The following NRK variants were observed in gnomAD, a reference collection of about 807,000 sequenced individuals.
NRK encodes the protein Nik related kinase, also known as nik-related protein kinase.
Under a neutral mutation model 125.2 loss-of-function variants are expected in NRK, and 67 were observed. The observed-to-expected ratio is 0.54, with a 90% confidence interval of 0.44 to 0.66. NRK has a LOEUF of 0.66. Among genes scored for constraint, NRK ranks in the 30% least tolerant of loss-of-function variants. NRK has a pLI of 0.00. For synonymous variants in NRK, 458 were observed against 429.0 expected (o/e 1.07, Z -0.84); for missense variants, 1,224 against 1,192.9 (o/e 1.03, Z -0.38).
At position 105,876,753 on chromosome X, in the gene NRK, G is replaced by T. The variant is rs181763422; in HGVS notation, c.124-3446G>T. Among the ~76,000 whole-genome samples, 11 of 111,650 alleles carry T rather than the reference G, an allele frequency of 9.9e-5. No individual in the cohort carries two copies. In the East Asian group the frequency reaches 1.4e-3, roughly 14 times the overall value. On this transcript the variant is annotated intron_variant, in intron 2 of 28. Transcript: ENST00000243300. The stretch of plus-strand genomic sequence containing the variant: ...TAAAACTCACATTCTAACTGAAAAA[G>T]GGCACATCCTAAAAACTGGATTCAT...
intron 1 of NRK, among the ~76,000 whole-genome samples, chrX:105,830,617 A>ATTGGAAATACCACTTACAG (rs2039178076): frequency 9.0e-6 from 1 of 111,067 alleles, no homozygotes. Flanking sequence ...AACAAGGCAG[A>ATTGGAAATACCACTTACAG]TTGGAAATAC....
At chrX:105,869,404 A>C (rs1037339031) in intron 2 of NRK, among the ~76,000 whole-genome samples, 1 of 110,628 alleles carries the variant, frequency 9.0e-6, no homozygotes, top group Non-Finnish European at 1.9e-5. Context: ...TTTTTTCCTC[A>C]TCATCATCTT....
chrX:105,912,146 A>G (rs754448089), intron 13 of NRK, among the ~76,000 whole-genome samples: 1 of 111,535 alleles, frequency 9.0e-6, no homozygotes, highest in Admixed American at 9.6e-5. Flanking sequence ...GATAATATTG[A>G]TTGGATTAAA....
At position 105,830,926 on chromosome X, in the gene NRK, T is replaced by C. The variant is rs900880340; in HGVS notation, c.58-128T>C. ...CACACCAACATGGCACATGTATACA[T>C]ATGTAACAAATCTGCACGTTGTGCA... On this transcript the variant is annotated intron_variant, in intron 1 of 28. Transcript: ENST00000243300. 3 of 435,162 alleles carry C rather than the reference T, an allele frequency of 6.9e-6. No individual in the cohort carries two copies. The African/African-American group carries it at 7.6e-5, about 11-fold the overall frequency. The allele number at this position is 435,162 out of a possible 1,213,427, so 35.9% of individuals were successfully genotyped here. A position where few individuals can be genotyped will look rare whatever the true frequency, so the allele number is the denominator to read the frequency against.
At chrX:105,895,559 A>G (rs2040072252) in intron 7 of NRK, 36 bp downstream of exon 7, 2 of 872,120 alleles carry the variant, frequency 2.3e-6, no homozygotes, top group African/African-American at 2.0e-5. Context: ...AGTCCAAAAC[A>G]TCTTAATGGA....
In NRK at chrX:105,909,580, T is replaced by C. The variant is rs774022741; in HGVS notation, c.1939T>C (p.Leu647=). The change falls in exon 13 of 29, where the codon TTG becomes CTG. Residue 647 remains leucine, a synonymous_variant. Transcript: ENST00000243300. ...ACTGATAGAGGGACTATCAAGAGACTTGCTTCGGGCACCAAACTCAAATAA... is the reference window on the plus strand; with the variant it reads ...ACTGATAGAGGGACTATCAAGAGACCTGCTTCGGGCACCAAACTCAAATAA... ...QALIEGLSRD[L]LRAPNSNNSK... is the part of the protein sequence containing the mutation. The C allele has an allele frequency of 3.3e-6, 4 of 1,204,484 alleles. No individual in the cohort carries two copies. Among genetic ancestry groups the C allele is most frequent in the Non-Finnish European group, 4.5e-6 (4 of 892,162 alleles).
Position 105,939,895 on chromosome X carries a change from T to G in NRK, c.3821T>G (p.Val1274Gly). Reference protein sequence around the residue: ...TISGHKNRLRVYHLTWLRNKI... With the variant: ...TISGHKNRLRGYHLTWLRNKI... Reference sequence around the variant, plus strand: ...TCAGGTCATAAGAACAGACTTCGGGTGTATCATCTGACCTGGTTGAGGAAC... The same window carrying G: ...TCAGGTCATAAGAACAGACTTCGGGGGTATCATCTGACCTGGTTGAGGAAC... Residue 1274 changes from valine to glycine, a missense_variant, in exon 23 of 29, where the codon GTG (valine) becomes GGG (glycine). Val to Gly is a moderately radical substitution (Grantham distance 109). Coordinates refer to ENST00000243300, the MANE Select transcript of NRK (RefSeq NM_198465.4). 8.5e-7 allele frequency: 1 copy of G among 1,178,893 alleles called. No homozygotes were observed. Among genetic ancestry groups the G allele is most frequent in the Non-Finnish European group, 1.2e-6 (1 of 869,524 alleles).
At position 105,939,891 on chromosome X, in the gene NRK, C is replaced by G; in HGVS notation, c.3817C>G (p.Arg1273Gly). 8.5e-7 allele frequency: 1 copy of G among 1,177,738 alleles called. No homozygotes were observed. The highest frequency in any genetic ancestry group is 1.2e-6 in the Non-Finnish European group (1 of 867,826). ...ITISGHKNRL[R>G]VYHLTWLRNK... The stretch of plus-strand genomic sequence containing the variant: ...TCTATCAGGTCATAAGAACAGACTT[C>G]GGGTGTATCATCTGACCTGGTTGAG... The change falls in exon 23 of 29, where the codon CGG becomes GGG. Residue 1273 changes from arginine to glycine, a missense_variant. Coordinates refer to ENST00000243300, the MANE Select transcript of NRK (RefSeq NM_198465.4).
chrX:105,940,180 G>A (rs1211092991), intron 23 of NRK, 148 bp downstream of exon 23: 1 of 389,779 alleles, frequency 2.6e-6, no homozygotes, highest in Admixed American at 5.4e-5. Context: ...GGGTGGTATG[G>A]CTATAGACAG....
At chrX:105,892,354 G>A (rs2040026666) in intron 5 of NRK, among the ~76,000 whole-genome samples, 1 of 111,933 alleles carries the variant, frequency 8.9e-6, no homozygotes, top group African/African-American at 3.2e-5. Context: ...AATTATTTGT[G>A]AAGATAAGAA....
intron 7 of NRK, among the ~76,000 whole-genome samples, chrX:105,896,099 C>CA (rs1190438634): frequency 8.9e-6 from 1 of 111,742 alleles, no homozygotes; most frequent in Non-Finnish European, 1.9e-5. Context: ...TGCCAGAATT[C>CA]AGAGTTATAT....
At chrX:105,909,947 A>C in intron 13 of NRK, 65 bp downstream of exon 13, 1 of 947,757 alleles carries the variant, frequency 1.1e-6, no homozygotes, top group Non-Finnish European at 1.4e-6. Context: ...GCTCATGCGG[A>C]TGTTTTTTCT....
intron 13 of NRK, among the ~76,000 whole-genome samples, chrX:105,912,220 A>G (rs1341173009): frequency 9.0e-6 from 1 of 111,548 alleles, no homozygotes; most frequent in Non-Finnish European, 1.9e-5. Context: ...CCACTGTATT[A>G]CAGATCTTCC....
intron 19 of NRK, among the ~76,000 whole-genome samples, chrX:105,929,423 T>C (rs1007696327): frequency 9.0e-6 from 1 of 111,044 alleles, no homozygotes; most frequent in African/African-American, 3.3e-5. Flanking sequence ...TAATTGGGTA[T>C]TTTTATTTTT....
At chrX:105,901,947 C>A (rs766289053) in intron 9 of NRK, among the ~76,000 whole-genome samples, 1 of 110,487 alleles carries the variant, frequency 9.1e-6, no homozygotes, top group Non-Finnish European at 1.9e-5. Flanking sequence ...GCAGCAGCAA[C>A]TAATATTTCA....
At chrX:105,850,233 C>G (rs757916646) in intron 2 of NRK, among the ~76,000 whole-genome samples, 11 of 112,538 alleles carry the variant, frequency 9.8e-5, no homozygotes, top group African/African-American at 3.2e-4. Flanking sequence ...CTGAGCTCTA[C>G]ATTGGCCCCT....
At chrX:105,869,489 C>T (rs1404158028) in intron 2 of NRK, among the ~76,000 whole-genome samples, 2 of 111,470 alleles carry the variant, frequency 1.8e-5, no homozygotes, top group African/African-American at 6.5e-5. Context: ...TTTCCCTCCT[C>T]CTTGGCATTT....
intron 9 of NRK, among the ~76,000 whole-genome samples, chrX:105,903,558 T>C (rs1041778680): frequency 2.7e-5 from 3 of 112,057 alleles, no homozygotes; most frequent in Admixed American, 9.5e-5. Flanking sequence ...TTCAAAGGAA[T>C]GAGCCTCTAA....
chrX:105,875,123 C>T (rs2039796826), intron 2 of NRK, among the ~76,000 whole-genome samples: 1 of 111,345 alleles, frequency 9.0e-6, no homozygotes, highest in South Asian at 3.7e-4. Flanking sequence ...TAATAACTAG[C>T]CTTTGCATTT....
Sources: gnomAD v4.1 joint callset for allele counts (sites outside exome capture counted in the v4.1 genomes callset) on GRCh38, gnomAD v4.1.1 for gene constraint, MANE v1.5 for transcripts, NCBI Gene and HGNC (gene_info 2026-07-23, HGNC 2026-07-21) for gene names.